Variants in GRIK1 observed in about 807,000 individuals in gnomAD.
The protein encoded by GRIK1 is glutamate ionotropic receptor kainate type subunit 1.
Under a neutral mutation model 105.7 loss-of-function variants are expected in GRIK1, and 69 were observed. That is an observed-to-expected ratio of 0.65 (90% CI 0.54 to 0.80). The LOEUF (loss-of-function observed/expected upper bound fraction) is 0.80. Among genes scored for constraint, GRIK1 ranks in the 30% least tolerant of loss-of-function variants. The probability of loss-of-function intolerance (pLI) is 0.00; values close to 1 mark genes in which losing one functional copy is unlikely to be tolerated. For missense variants in GRIK1, 1,109 were observed against 1,167.3 expected (o/e 0.95, Z 0.73); for synonymous variants, 438 against 431.3 (o/e 1.02, Z -0.19).
chr21:29,723,904 C>T (rs960797861), intron 1 of GRIK1, among the ~76,000 whole-genome samples: 1 of 152,118 alleles, frequency 6.6e-6, no homozygotes, highest in Non-Finnish European at 1.5e-5. Flanking sequence ...CCTGATTTCA[C>T]TGATGTGTAA....
chr21:29,540,893 T>C (rs149011703), intron 16 of GRIK1, among the ~76,000 whole-genome samples: 1 of 152,080 alleles, frequency 6.6e-6, no homozygotes, highest in Non-Finnish European at 1.5e-5. Flanking sequence ...TGGAAAGTCC[T>C]CCAGTAGCCT....
chr21:29,618,857 G>A (rs955536037), intron 7 of GRIK1, among the ~76,000 whole-genome samples: 3 of 152,164 alleles, frequency 2.0e-5, no homozygotes, highest in African/African-American at 4.8e-5. Flanking sequence ...GCCGGGTGCG[G>A]TGGCTCACGA....
At chr21:29,794,887 T>C (rs1198376225) in intron 1 of GRIK1, among the ~76,000 whole-genome samples, 2 of 152,096 alleles carry the variant, frequency 1.3e-5, no homozygotes, top group African/African-American at 4.8e-5. Flanking sequence ...AGTATGATCA[T>C]ATAATTTATC....
chr21:29,915,389 A>G (rs1179180673), intron 1 of GRIK1, among the ~76,000 whole-genome samples: 1 of 152,062 alleles, frequency 6.6e-6, no homozygotes, highest in East Asian at 1.9e-4. Context: ...AATTTGATAC[A>G]ACTAAATCAT....
At chr21:29,672,212 C>T (rs754557629) in intron 4 of GRIK1, among the ~76,000 whole-genome samples, 8 of 151,910 alleles carry the variant, frequency 5.3e-5, no homozygotes, top group Non-Finnish European at 1.2e-4. Context: ...CATGCACCAC[C>T]ATGCCCGGCT....
At chr21:29,591,298 C>G in intron 9 of GRIK1, 73 bp from the exon 10 acceptor site, 1 of 883,892 alleles carries the variant, frequency 1.1e-6, no homozygotes, top group South Asian at 1.3e-5. Flanking sequence ...GGCCCCTTCT[C>G]TACCAGGAAT....
intron 7 of GRIK1, among the ~76,000 whole-genome samples, chr21:29,611,931 C>T (rs2061738714): frequency 6.6e-6 from 1 of 152,192 alleles, no homozygotes. Flanking sequence ...GTGGATCCCT[C>T]TTGGATCTGC....
intron 16 of GRIK1, among the ~76,000 whole-genome samples, chr21:29,550,921 CAAGT>C (rs1266154311): frequency 6.6e-6 from 1 of 152,084 alleles, no homozygotes; most frequent in Non-Finnish European, 1.5e-5. Context: ...CTTCATTTTA[CAAGT>C]AAGAAAATTG....
At chr21:29,773,561 C>T (rs2065866222) in intron 1 of GRIK1, among the ~76,000 whole-genome samples, 1 of 152,088 alleles carries the variant, frequency 6.6e-6, no homozygotes, top group African/African-American at 2.4e-5. Context: ...AGGAGCACAG[C>T]CTACTTCATC....
chr21:29,837,931 T>C (rs2067857376), intron 1 of GRIK1, among the ~76,000 whole-genome samples: 1 of 152,132 alleles, frequency 6.6e-6, no homozygotes, highest in Non-Finnish European at 1.5e-5. Context: ...AAATCCACCT[T>C]CCAGTATTCT....
At chr21:29,611,050 G>A (rs1363743074) in intron 7 of GRIK1, among the ~76,000 whole-genome samples, 3 of 152,054 alleles carry the variant, frequency 2.0e-5, no homozygotes, top group South Asian at 4.2e-4. Flanking sequence ...GACACAATAG[G>A]GAACTGCTGA....
At position 29,694,025 on chromosome 21, in the gene GRIK1, C is replaced by G. The variant is rs767597978; in HGVS notation, c.157G>C (p.Val53Leu). 1 of 1,612,306 alleles carries G rather than the reference C, an allele frequency of 6.2e-7. No individual in the cohort carries two copies. The highest frequency in any genetic ancestry group is 1.1e-5 in the South Asian group (1 of 91,054). ...GCAAACTTGAAAGCTAATTCTTCAACATTAACAGGCTCATTTTCCACTGTT... is the reference window on the plus strand; with the variant it reads ...GCAAACTTGAAAGCTAATTCTTCAAGATTAACAGGCTCATTTTCCACTGTT... ...FETVENEPVN[V>L]EELAFKFAVT... Residue 53 changes from valine (V) to leucine (L), a missense_variant, in exon 2 of 18, where the codon GTT becomes CTT. Coordinates refer to ENST00000327783, the MANE Select transcript of GRIK1 (RefSeq NM_001330994.2).
chr21:29,641,537 C>T (rs1466263607), intron 7 of GRIK1, among the ~76,000 whole-genome samples: 1 of 152,106 alleles, frequency 6.6e-6, no homozygotes, highest in Admixed American at 6.5e-5. Context: ...TAGACTTGCC[C>T]AGGTTATATT....
chr21:29,688,484 G>A lies in GRIK1; in HGVS notation c.544+1244C>T, dbSNP rs527345427. ...AATTTTCATAATCTTATTACAAAAT[G>A]TGTAGATCAAGGAAAGCAACTCATT... On this transcript the variant is annotated intron_variant, in intron 3 of 17. Coordinates refer to ENST00000327783, the MANE Select transcript of GRIK1 (RefSeq NM_001330994.2). 3.3e-5 allele frequency among the ~76,000 whole-genome samples: 5 copies of A among 152,134 alleles called. 1 individual carries two copies. The highest frequency in any genetic ancestry group is 1.2e-4 in the African/African-American group (5 of 41,504).
At chr21:29,543,289 GGAACAGAA>G (rs1287747707) in intron 16 of GRIK1, among the ~76,000 whole-genome samples, 1 of 152,096 alleles carries the variant, frequency 6.6e-6, no homozygotes, top group Non-Finnish European at 1.5e-5. Context: ...TTAAGGAATA[GGAACAGAA>G]GAATTGTATT....
rs574388445 is a variant in GRIK1, at chr21:29,689,821, A to G, written c.451T>C (p.Tyr151His). Residue 151 changes from tyrosine to histidine, a missense_variant, in exon 3 of 18, where the codon TAC becomes CAC. This residue lies in a region of GRIK1 where 612 missense variants were observed against 586.0 expected (regional missense o/e 1.04). Coordinates refer to ENST00000327783, the MANE Select transcript of GRIK1 (RefSeq NM_001330994.2). ...DNKDLFYINL[Y>H]PDYAAISRAI... is the part of the protein sequence containing the mutation. ...CTGCTGATAGCTGCATAATCTGGGT[A>G]AAGGTTGATGTAAAACAAATCTTTG... 2 of 1,613,986 alleles carry G rather than the reference A, an allele frequency of 1.2e-6. No individual in the cohort carries two copies. The highest frequency in any genetic ancestry group is 1.7e-5 in the Admixed American group (1 of 60,018).
chr21:29,604,713 G>C (rs960908514), intron 7 of GRIK1, among the ~76,000 whole-genome samples: 2 of 152,132 alleles, frequency 1.3e-5, no homozygotes, highest in African/African-American at 4.8e-5. Context: ...TTTTAGGAAA[G>C]AGCTTTATTT....
rs1362071807 is a variant in GRIK1 at position 29,581,460 on chromosome 21, C to T, written c.1877G>A (p.Ser626Asn). The T allele has an allele frequency of 6.2e-7, 1 of 1,613,000 alleles. No homozygotes were observed. Among genetic ancestry groups the T allele is most frequent in the Admixed American group, 1.7e-5 (1 of 59,988 alleles). ...GAGAGCTCCAACTCCAAACCAGAAA[C>T]TATTTAGTAAAGTAAAATTGTTTTC... ...VVENNFTLLN[S>N]FWFGVGALMQ... Residue 626 changes from serine (S) to asparagine (N), a missense_variant, in exon 13 of 18, where the codon AGT becomes AAT. Coordinates refer to ENST00000327783, the MANE Select transcript of GRIK1 (RefSeq NM_001330994.2).
intron 1 of GRIK1, among the ~76,000 whole-genome samples, chr21:29,899,385 C>T (rs536991517): frequency 6.6e-6 from 1 of 152,224 alleles, no homozygotes; most frequent in Non-Finnish European, 1.5e-5. Context: ...CATGCCTATG[C>T]AGGTTTGTCT....
Sources: allele counts gnomAD v4.1 joint callset (sites outside exome capture counted in the v4.1 genomes callset), GRCh38; gene constraint gnomAD v4.1.1; regional missense constraint gnomAD v4.1.1; transcripts MANE v1.5; gene names NCBI Gene and HGNC (gene_info 2026-07-23, HGNC 2026-07-21).